The following MTUS2 variants were observed in gnomAD, a reference collection of about 807,000 sequenced individuals.
The protein encoded by MTUS2 is microtubule associated scaffold protein 2, also known as microtubule-associated tumor suppressor candidate 2.
Under a neutral mutation model 114.1 loss-of-function variants are expected in MTUS2, and 40 were observed. The ratio of observed to expected loss-of-function variants is 0.35; its 90% confidence interval spans 0.27 to 0.46. MTUS2 has a LOEUF of 0.46. MTUS2 is among the 20% of genes least tolerant of loss of function. The pLI is 1.00. For missense variants in MTUS2, 1,679 were observed against 1,705.4 expected, an observed-to-expected ratio of 0.98 and a Z score of 0.27; for synonymous variants, 688 against 672.0, an observed-to-expected ratio of 1.02 and a Z score of -0.37.
chr13:28,927,905 C>A (rs1360842248), intron 2 of MTUS2, among the ~76,000 whole-genome samples: 1 of 152,076 alleles, frequency 6.6e-6, no homozygotes, highest in African/African-American at 2.4e-5. Flanking sequence ...ATGGTACTGG[C>A]ATAAAAACAG....
At chr13:29,136,365 C>A (rs960662203) in intron 5 of MTUS2, among the ~76,000 whole-genome samples, 1 of 152,272 alleles carries the variant, frequency 6.6e-6, no homozygotes, top group East Asian at 1.9e-4. Flanking sequence ...ATCTCCTGAG[C>A]GATAAGAGGG....
rs568386810 is a variant in MTUS2, at chr13:29,256,198, C to G, written c.2645-25506C>G. Among the ~76,000 whole-genome samples, 2 of 152,178 alleles carry G rather than the reference C, an allele frequency of 1.3e-5. 1 individual carries two copies. The highest frequency in any genetic ancestry group is 4.1e-4 in the South Asian group (2 of 4,832). ...TTGTTAGGAATCCCAGCTGTGTTGT[C>G]GTGATACAGAGCTTATCCCAATGGT... On this transcript the variant is annotated intron_variant, in intron 5 of 15. Coordinates refer to ENST00000612955, the MANE Select transcript of MTUS2 (RefSeq NM_001033602.4).
At chr13:28,939,288 T>G (rs17648560) in intron 2 of MTUS2, among the ~76,000 whole-genome samples, 12,578 of 152,270 alleles carry the variant, frequency 0.083, 596 homozygotes, top group South Asian at 0.13. Context: ...TTACAGCCAC[T>G]GCAGAACGTT....
chr13:29,011,826 T>G (rs763852852), intron 2 of MTUS2, among the ~76,000 whole-genome samples: 1 of 152,240 alleles, frequency 6.6e-6, no homozygotes, highest in Admixed American at 6.5e-5. Flanking sequence ...TGCAGTTTAT[T>G]TAATTGCTTT....
chr13:28,920,512 G>C (rs1434855950), intron 2 of MTUS2, among the ~76,000 whole-genome samples: 1 of 152,144 alleles, frequency 6.6e-6, no homozygotes, highest in African/African-American at 2.4e-5. Flanking sequence ...CCTGAAGCTG[G>C]CACAACACTG....
chr13:29,269,707 G>A (rs911318325), intron 5 of MTUS2, among the ~76,000 whole-genome samples: 4 of 152,194 alleles, frequency 2.6e-5, no homozygotes, highest in Admixed American at 6.5e-5. Flanking sequence ...TCCCACTTCT[G>A]GGTATATACT....
chr13:29,101,127 C>A (rs191416077), intron 5 of MTUS2, among the ~76,000 whole-genome samples, 157 bp downstream of exon 5: 44 of 152,076 alleles, frequency 2.9e-4, no homozygotes, highest in Non-Finnish European at 5.1e-4. Flanking sequence ...GAAAAATAGC[C>A]CATTTGACAC....
At chr13:29,321,195 A>G (rs1212273698) in intron 6 of MTUS2, among the ~76,000 whole-genome samples, 6 of 152,088 alleles carry the variant, frequency 3.9e-5, no homozygotes, top group African/African-American at 1.4e-4. Flanking sequence ...GGATAAGCTC[A>G]CTCAGAAGAC....
intron 5 of MTUS2, among the ~76,000 whole-genome samples, chr13:29,258,625 A>C (rs1897359943): frequency 6.6e-6 from 1 of 152,130 alleles, no homozygotes; most frequent in African/African-American, 2.4e-5. Context: ...TAAAATAAAC[A>C]TTTTCTTTTT....
intron 8 of MTUS2, among the ~76,000 whole-genome samples, chr13:29,390,451 C>G (rs1286505248): frequency 1.3e-5 from 2 of 151,516 alleles, no homozygotes; most frequent in East Asian, 2.0e-4. Context: ...GTCAGGAGTT[C>G]GAGACCAGCC....
At chr13:29,146,607 G>A (rs1892443361) in intron 5 of MTUS2, among the ~76,000 whole-genome samples, 1 of 152,114 alleles carries the variant, frequency 6.6e-6, no homozygotes, top group Admixed American at 6.5e-5. Context: ...TGGTAAACAT[G>A]CCAGGAGAAA....
At chr13:29,129,003 A>C (rs1566022905) in intron 5 of MTUS2, among the ~76,000 whole-genome samples, 1 of 152,252 alleles carries the variant, frequency 6.6e-6, no homozygotes, top group Non-Finnish European at 1.5e-5. Flanking sequence ...ACAAAGGTTT[A>C]GTTCAAACCA....
chr13:28,821,875 T>C (rs1481819777), intron 1 of MTUS2, among the ~76,000 whole-genome samples: 13 of 152,240 alleles, frequency 8.5e-5, no homozygotes, highest in Admixed American at 8.5e-4. Context: ...TGTAGACTTT[T>C]GTGTTTTGTC....
At chr13:29,260,098 A>G (rs978217629) in intron 5 of MTUS2, among the ~76,000 whole-genome samples, 17 of 152,136 alleles carry the variant, frequency 1.1e-4, no homozygotes, top group African/African-American at 4.1e-4. Context: ...AGCACTTTTA[A>G]AACTGTTTAT....
At chr13:29,423,745 C>T (rs988956672) in intron 8 of MTUS2, among the ~76,000 whole-genome samples, 2 of 152,166 alleles carry the variant, frequency 1.3e-5, no homozygotes, top group African/African-American at 2.4e-5. Flanking sequence ...TTTATCCTGT[C>T]CTTCCTGTAC....
At chr13:29,318,231 A>T (rs1314180478) in intron 6 of MTUS2, among the ~76,000 whole-genome samples, 3 of 150,542 alleles carry the variant, frequency 2.0e-5, no homozygotes, top group African/African-American at 7.3e-5. Flanking sequence ...TGTATGTGAG[A>T]TTAAGAGCCT....
intron 7 of MTUS2, among the ~76,000 whole-genome samples, chr13:29,354,342 G>A (rs962988680): frequency 2.0e-5 from 3 of 150,338 alleles, no homozygotes; most frequent in Non-Finnish European, 2.9e-5. Context: ...TAAATATTTG[G>A]CAATTGTCAT....
chr13:29,388,199 G>C (rs927556732), intron 8 of MTUS2, among the ~76,000 whole-genome samples: 1 of 152,116 alleles, frequency 6.6e-6, no homozygotes, highest in Admixed American at 6.5e-5. Context: ...CAATCCCCAT[G>C]TATTTACCAG....
In MTUS2 at chr13:29,505,142, T is replaced by C. The variant is rs3011620; in HGVS notation, c.*1936T>C. The C allele has an allele frequency of 8.6e-6, 2 of 232,038 alleles. No homozygotes were observed. Among genetic ancestry groups the C allele is most frequent in the African/African-American group, 4.4e-5 (2 of 45,256 alleles). The allele number at this position is 232,038 out of a possible 1,614,324, so 14.4% of individuals were successfully genotyped here. ...GTTGGGCATTCCATTAGAGTAGATC[T>C]TGCCACATTGACTAAATACACAAGT... is the stretch of plus-strand genomic sequence containing the variant. On this transcript the variant is annotated 3_prime_UTR_variant, in exon 16 of 16. Coordinates refer to ENST00000612955, the MANE Select transcript of MTUS2 (RefSeq NM_001033602.4).
Sources: allele counts gnomAD v4.1 joint callset (sites outside exome capture counted in the v4.1 genomes callset), GRCh38; gene constraint gnomAD v4.1.1; transcripts MANE v1.5; gene names NCBI Gene and HGNC (gene_info 2026-07-23, HGNC 2026-07-21).